THOC2: variants seen among roughly 807,000 people sequenced by gnomAD.
The protein encoded by THOC2 is THO complex 2.
A neutral mutation model predicts 128.4 loss-of-function variants in THOC2; 10 were observed. That is an observed-to-expected ratio of 0.08 (90% CI 0.05 to 0.13). The LOEUF is 0.13. Among genes scored for constraint, THOC2 ranks in the 10% least tolerant of loss-of-function variants. The pLI, the probability that THOC2 is intolerant of heterozygous loss-of-function variation, is 1.00. For synonymous variants in THOC2, 393 were observed against 396.9 expected, an observed-to-expected ratio of 0.99 and a Z score of 0.12; for missense variants, 535 against 1,155.7, an observed-to-expected ratio of 0.46 and a Z score of 7.79.
rs1460980655 is a variant in THOC2, at chrX:123,645,345, T to TATC, written c.1414_1416dup (p.Asp472dup). ...TTCTAGTCTCTTACCGTTTTTTCTT[T>TATC]ATCTTCTTGTTTGCTTCCATCAGAC... On this transcript the variant is annotated inframe_insertion, in exon 13 of 39. Transcript: ENST00000245838. 3.5e-6 allele frequency: 4 copies of TATC among 1,135,129 alleles called. No homozygotes were observed. The highest frequency in any genetic ancestry group is 4.7e-6 in the Non-Finnish European group (4 of 842,653). 93.5% of individuals were successfully genotyped at this position (1,135,129 alleles called of 1,213,427 possible).
At chrX:123,727,866 T>C (rs999542210) in intron 1 of THOC2, among the ~76,000 whole-genome samples, 2 of 112,822 alleles carry the variant, frequency 1.8e-5, no homozygotes, top group African/African-American at 6.4e-5. Context: ...AAAAGATGTA[T>C]GGAAAACTGA....
intron 12 of THOC2, among the ~76,000 whole-genome samples, chrX:123,662,922 C>T (rs1032848198): frequency 1.4e-4 from 16 of 112,089 alleles, no homozygotes; most frequent in Admixed American, 3.8e-4. Flanking sequence ...TACATACCCA[C>T]TAGAATGACT....
chrX:123,647,200 C>T (rs1231569806), intron 12 of THOC2, among the ~76,000 whole-genome samples: 1 of 111,506 alleles, frequency 9.0e-6, no homozygotes, highest in African/African-American at 3.3e-5. Flanking sequence ...AGTAAAAGAC[C>T]TTCCTATCAA....
At chrX:123,631,894 G>A in intron 21 of THOC2, 42 bp from the exon 22 acceptor site, 1 of 1,112,818 alleles carries the variant, frequency 9.0e-7, no homozygotes, top group Non-Finnish European at 1.2e-6. Flanking sequence ...ATTTTCCAAA[G>A]TGATTAAGAA....
chrX:123,696,348 A>G (rs1203472952), intron 6 of THOC2, among the ~76,000 whole-genome samples, 194 bp from the exon 7 acceptor site: 2 of 111,502 alleles, frequency 1.8e-5, no homozygotes, highest in Non-Finnish European at 3.8e-5. Flanking sequence ...CCCAATATTA[A>G]TTACATAGGG....
At chrX:123,713,198 C>T (rs1192185741) in intron 1 of THOC2, among the ~76,000 whole-genome samples, 1 of 112,172 alleles carries the variant, frequency 8.9e-6, no homozygotes, top group Non-Finnish European at 1.9e-5. Context: ...ATGGGCTGGG[C>T]GCAGTGGCTC....
Position 123,665,852 on chromosome X carries a change from A to AAAAT in THOC2, c.1191-19_1191-16dup, listed in dbSNP as rs778486573. On this transcript the variant is annotated splice_polypyrimidine_tract_variant and intron_variant, in intron 11 of 38. Coordinates refer to ENST00000245838, the MANE Select transcript of THOC2 (RefSeq NM_001081550.2). ...GAACTCCAACTCTATTTTAAAAAGT[A>AAAAT]AAATAAATAAATAAACAAATAAATA... The AAAAT allele has an allele frequency of 1.1e-6, 1 of 951,428 alleles. No individual in the cohort carries two copies. Among genetic ancestry groups the AAAAT allele is most frequent in the Non-Finnish European group, 1.4e-6 (1 of 717,126 alleles). The allele number at this position is 951,428 out of a possible 1,213,427, so 78.4% of individuals were successfully genotyped here.
rs762417308 is a variant in THOC2, at chrX:123,625,301, T to C, written c.3057+611A>G. Among the ~76,000 whole-genome samples, 15 of 110,857 alleles carry C rather than the reference T, an allele frequency of 1.4e-4. No homozygotes were observed. In the East Asian group the frequency reaches 4.2e-3, roughly 31 times the overall value. On this transcript the variant is annotated intron_variant, in intron 25 of 38. Transcript: ENST00000245838. Reference sequence around the variant, plus strand: ...TTTTAGTAGAGACGGGGTTTCACCATGTTAGCCAGGATGGTCTCGATCTCC... The same window carrying C: ...TTTTAGTAGAGACGGGGTTTCACCACGTTAGCCAGGATGGTCTCGATCTCC...
intron 4 of THOC2, among the ~76,000 whole-genome samples, chrX:123,700,553 G>T (rs1437757140): frequency 7.1e-5 from 5 of 70,606 alleles, no homozygotes; most frequent in African/African-American, 2.6e-4. Flanking sequence ...GTGGGGGGGG[G>T]TGGGGGGGTG....
chrX:123,632,105 T>G, intron 21 of THOC2, among the ~76,000 whole-genome samples: 1 of 111,258 alleles, frequency 9.0e-6, no homozygotes, highest in Admixed American at 9.7e-5. Context: ...TAGTAGAATA[T>G]ATTTACCTAA....
intron 22 of THOC2, among the ~76,000 whole-genome samples, chrX:123,629,104 ATATAT>A (rs796388360): frequency 9.2e-6 from 1 of 108,358 alleles, no homozygotes; most frequent in Admixed American, 1.0e-4. Flanking sequence ...TGTATGCCAA[ATATAT>A]TATACATATA....
intron 33 of THOC2, among the ~76,000 whole-genome samples, chrX:123,615,656 T>A (rs202150649): frequency 2.2e-5 from 2 of 91,595 alleles, no homozygotes; most frequent in African/African-American, 7.8e-5. Context: ...AAAAAAAAAA[T>A]ACACACACAC....
At chrX:123,665,530 A>G (rs919766804) in intron 12 of THOC2, 112 bp downstream of exon 12, 20 of 511,547 alleles carry the variant, frequency 3.9e-5, no homozygotes, top group Non-Finnish European at 5.1e-5. Flanking sequence ...CACTCAACAT[A>G]ACCCTTTATT....
chrX:123,674,515 G>T (rs1341597094), intron 8 of THOC2, among the ~76,000 whole-genome samples: 1 of 111,249 alleles, frequency 9.0e-6, no homozygotes, highest in East Asian at 2.8e-4. Context: ...TATACATTCT[G>T]CCAAACTCTT....
At chrX:123,698,641 G>A (rs1234200249) in intron 4 of THOC2, among the ~76,000 whole-genome samples, 2 of 108,699 alleles carry the variant, frequency 1.8e-5, no homozygotes, top group East Asian at 5.8e-4. Flanking sequence ...TTGGGAGGCC[G>A]AAGCGGGTGG....
chrX:123,614,397 C>A (rs1000229470), intron 33 of THOC2, among the ~76,000 whole-genome samples: 2 of 110,723 alleles, frequency 1.8e-5, no homozygotes, highest in Non-Finnish European at 3.8e-5. Flanking sequence ...CATTTAAACT[C>A]CATCAGTTCA....
chrX:123,614,594 A>G (rs1210760329), intron 33 of THOC2, among the ~76,000 whole-genome samples: 1 of 111,134 alleles, frequency 9.0e-6, no homozygotes, highest in East Asian at 2.8e-4. Flanking sequence ...GAAATTTTAA[A>G]TAGTCTTACC....
chrX:123,698,514 G>T (rs958900248), intron 4 of THOC2, among the ~76,000 whole-genome samples: 1 of 105,118 alleles, frequency 9.5e-6, no homozygotes. Flanking sequence ...CATGACTTTC[G>T]CCACCCTGGT....
chrX:123,631,424 A>G (rs1449311521), intron 22 of THOC2, among the ~76,000 whole-genome samples: 1 of 112,287 alleles, frequency 8.9e-6, no homozygotes, highest in Non-Finnish European at 1.9e-5. Context: ...GTTAGTTAGG[A>G]AAGAAGTGGG....
Sources: gnomAD v4.1 joint callset for allele counts (sites outside exome capture counted in the v4.1 genomes callset) on GRCh38, gnomAD v4.1.1 for gene constraint, MANE v1.5 for transcripts, NCBI Gene and HGNC (gene_info 2026-07-23, HGNC 2026-07-21) for gene names.